Variants in TECPR2 observed in about 807,000 individuals in gnomAD.
The protein encoded by TECPR2 is tectonin beta-propeller repeat containing 2, also known as tectonin beta-propeller repeat-containing protein 2.
Under a neutral mutation model 138.1 loss-of-function variants are expected in TECPR2, and 65 were observed. The ratio of observed to expected loss-of-function variants is 0.47; its 90% CI spans 0.39 to 0.58. The LOEUF (loss-of-function observed/expected upper bound fraction) is 0.58. Ranked by LOEUF, TECPR2 falls within the 20% of genes least tolerant of loss-of-function variation. The probability of loss-of-function intolerance (pLI) is 0.00; values close to 1 mark genes in which losing one functional copy is unlikely to be tolerated. For synonymous variants in TECPR2, 746 were observed against 749.8 expected (o/e 0.99, Z 0.08); for missense variants, 1,553 against 1,824.5 (o/e 0.85, Z 2.71).
intron 17 of TECPR2, among the ~76,000 whole-genome samples, chr14:102,470,024 A>G (rs1236942568): frequency 2.6e-5 from 4 of 152,140 alleles, no homozygotes; most frequent in African/African-American, 4.8e-5. Flanking sequence ...TTTTGTGTCT[A>G]TATTCATGAG....
At chr14:102,461,015 A>G (rs7142348) in intron 16 of TECPR2, among the ~76,000 whole-genome samples, 1,601 of 152,002 alleles carry the variant, frequency 0.011, 32 homozygotes, top group African/African-American at 0.037. Flanking sequence ...TTTTTTAAAT[A>G]CAGCTTCCCT....
chr14:102,425,242 T>C lies in TECPR2; in HGVS notation c.902T>C (p.Val301Ala). ...TCATGTTTCTTTCAAGAAGGCTGGG[T>C]GCTGAGTTGGAATGAATATAGTATC... Reference protein sequence around the residue: ...LVSCFFQEGWVLSWNEYSIYL... With the variant: ...LVSCFFQEGWALSWNEYSIYL... Residue 301 changes from valine (V) to alanine (A), a missense_variant, in exon 6 of 20, where the codon GTG (valine) becomes GCG (alanine). Transcript: ENST00000359520. 1 of 1,613,378 alleles carries C rather than the reference T, an allele frequency of 6.2e-7. No individual in the cohort carries two copies. The highest frequency in any genetic ancestry group is 8.5e-7 in the Non-Finnish European group (1 of 1,179,522).
At position 102,501,765 on chromosome 14, in the gene TECPR2, G is replaced by A. The variant is rs1405925482; in HGVS notation, c.*3508G>A. The A allele has an allele frequency of 6.6e-6, 1 of 152,152 alleles. No homozygotes were observed. Among genetic ancestry groups the A allele is most frequent in the African/African-American group, 2.4e-5 (1 of 41,412 alleles). 9.4% of individuals were successfully genotyped at this position (152,152 alleles called of 1,614,324 possible). A position where few individuals can be genotyped will look rare whatever the true frequency, so the allele number is the denominator to read the frequency against. On this transcript the variant is annotated 3_prime_UTR_variant, in exon 20 of 20. Transcript: ENST00000359520. ...CAAGGATGACTCGCAAATTCATAAA[G>A]CTTTCCATAAATATATTTATTAAAA...
intron 1 of TECPR2, among the ~76,000 whole-genome samples, chr14:102,363,679 CAG>C (rs1389031232): frequency 1.3e-5 from 2 of 152,232 alleles, no homozygotes; most frequent in African/African-American, 4.8e-5. Context: ...GTCCTGGAGT[CAG>C]AGCCGGGCAG....
chr14:102,498,173 C>CAGCCACT lies in TECPR2; in HGVS notation c.4153_4159dup (p.Ser1387Ter). The CAGCCACT allele has an allele frequency of 1.2e-6, 2 of 1,612,344 alleles. No homozygotes were observed. Among genetic ancestry groups the CAGCCACT allele is most frequent in the Non-Finnish European group, 1.7e-6 (2 of 1,180,034 alleles). On this transcript the variant is annotated frameshift_variant, in exon 20 of 20. Coordinates refer to ENST00000359520, the MANE Select transcript of TECPR2 (RefSeq NM_014844.5). LOFTEE classifies it high-confidence loss of function. ...TCCTCCAACGGCTGACAAAGACGTT[C>CAGCCACT]AGCCACTCGCACGGCACCCAGAAGA...
chr14:102,466,962 T>C (rs991181315), intron 17 of TECPR2, among the ~76,000 whole-genome samples: 5 of 152,220 alleles, frequency 3.3e-5, no homozygotes, highest in African/African-American at 1.2e-4. Flanking sequence ...TGTATCATGT[T>C]TCGGAGTTCA....
intron 2 of TECPR2, among the ~76,000 whole-genome samples, chr14:102,404,371 A>ATT (rs1279494610): frequency 6.6e-6 from 1 of 152,150 alleles, no homozygotes; most frequent in African/African-American, 2.4e-5. Context: ...AAGCCCCAAC[A>ATT]AACCTGAAAA....
At chr14:102,397,904 G>A (rs890634857) in intron 2 of TECPR2, among the ~76,000 whole-genome samples, 8 of 151,528 alleles carry the variant, frequency 5.3e-5, no homozygotes, top group Non-Finnish European at 7.4e-5. Flanking sequence ...CCGGGTCATC[G>A]CTAGTAAATA....
rs774344253 is a variant in TECPR2 at position 102,452,435 on chromosome 14, A to T, written c.3448A>T (p.Ser1150Cys). ...WLCQSSKDLCSVSAQSAQSRP... is the reference protein window; with the variant it reads ...WLCQSSKDLCCVSAQSAQSRP... ...GTGCCAGAGCAGCAAGGACCTGTGCAGCGTCAGCGCCCAGAGCGCACAGTC... is the reference window on the plus strand; with the variant it reads ...GTGCCAGAGCAGCAAGGACCTGTGCTGCGTCAGCGCCCAGAGCGCACAGTC... Residue 1150 changes from serine (S) to cysteine (C), a missense_variant, in exon 16 of 20, where the codon AGC (serine) becomes TGC (cysteine). Transcript: ENST00000359520. The T allele has an allele frequency of 6.2e-7, 1 of 1,613,342 alleles. No homozygotes were observed. The highest frequency in any genetic ancestry group is 1.7e-5 in the Admixed American group (1 of 59,986).
chr14:102,401,602 A>C (rs1173545974), intron 2 of TECPR2, among the ~76,000 whole-genome samples: 1 of 151,768 alleles, frequency 6.6e-6, no homozygotes, highest in Non-Finnish European at 1.5e-5. Context: ...ATATGATGGA[A>C]CCCTGTCTCT....
At chr14:102,451,561 G>T (rs1173180781) in intron 15 of TECPR2, among the ~76,000 whole-genome samples, 1 of 152,048 alleles carries the variant, frequency 6.6e-6, no homozygotes, top group Non-Finnish European at 1.5e-5. Flanking sequence ...TGATCTGTTG[G>T]CTGTGACCGC....
At position 102,459,822 on chromosome 14, in the gene TECPR2, G is replaced by C. The variant is rs956304805; in HGVS notation, c.3641-5319G>C. Among the ~76,000 whole-genome samples the C allele has an allele frequency of 4.6e-5, 7 of 152,292 alleles. No individual in the cohort carries two copies. In the South Asian group the frequency reaches 1.5e-3, roughly 32 times the overall value. ...TACATGTGTTCTCCCTTCAGCCCTGGTGTTTTCTTTACAAGTGTCTTCCTG... is the reference window on the plus strand; with the variant it reads ...TACATGTGTTCTCCCTTCAGCCCTGCTGTTTTCTTTACAAGTGTCTTCCTG... On this transcript the variant is annotated intron_variant, in intron 16 of 19. Transcript: ENST00000359520.
chr14:102,465,124 C>T lies in TECPR2; in HGVS notation c.3641-17C>T. The T allele has an allele frequency of 6.2e-7, 1 of 1,613,720 alleles. No individual in the cohort carries two copies. The highest frequency in any genetic ancestry group is 1.1e-5 in the South Asian group (1 of 91,044). ...TACAAAAGTAATTATAGTGTGTGTA[C>T]TTTTCTTTATCTACAGGAGCTGTAA... On this transcript the variant is annotated splice_polypyrimidine_tract_variant and intron_variant, in intron 16 of 19. Transcript: ENST00000359520.
At chr14:102,442,464 G>A (rs1371344809) in intron 11 of TECPR2, among the ~76,000 whole-genome samples, 1 of 152,230 alleles carries the variant, frequency 6.6e-6, no homozygotes, top group East Asian at 1.9e-4. Flanking sequence ...TTAAATGAAA[G>A]TAGCTCTGTC....
intron 17 of TECPR2, among the ~76,000 whole-genome samples, chr14:102,472,093 G>A (rs1399969233): frequency 2.6e-5 from 4 of 152,210 alleles, no homozygotes; most frequent in African/African-American, 4.8e-5. Flanking sequence ...TGGGTTGAGC[G>A]CCCATGTGCC....
At chr14:102,372,905 G>A (rs1887543590) in intron 1 of TECPR2, among the ~76,000 whole-genome samples, 1 of 151,694 alleles carries the variant, frequency 6.6e-6, no homozygotes, top group Non-Finnish European at 1.5e-5. Flanking sequence ...GGGCGACGGA[G>A]CAAGTCTCAA....
intron 2 of TECPR2, among the ~76,000 whole-genome samples, chr14:102,406,289 C>G (rs1264297487): frequency 6.6e-6 from 1 of 152,206 alleles, no homozygotes; most frequent in Non-Finnish European, 1.5e-5. Context: ...TGGCCCACAC[C>G]TGTAATCCCA....
intron 17 of TECPR2, 30 bp downstream of exon 17, chr14:102,465,319 T>C (rs1366524838): frequency 6.2e-7 from 1 of 1,610,028 alleles, no homozygotes; most frequent in African/African-American, 1.3e-5. Context: ...TGGAACTCAC[T>C]CTTCAGTAAG....
intron 10 of TECPR2, among the ~76,000 whole-genome samples, chr14:102,439,471 C>T (rs915466109): frequency 6.6e-6 from 1 of 152,222 alleles, no homozygotes; most frequent in African/African-American, 2.4e-5. Flanking sequence ...TAACAACCCA[C>T]TCCACAAGCT....
Sources: allele counts gnomAD v4.1 joint callset (sites outside exome capture counted in the v4.1 genomes callset), GRCh38; gene constraint gnomAD v4.1.1; transcripts MANE v1.5; gene names NCBI Gene and HGNC (gene_info 2026-07-23, HGNC 2026-07-21).